TMED1: variants seen among roughly 807,000 people sequenced by gnomAD.
TMED1 encodes the protein transmembrane emp24 domain-containing protein 1.
TMED1 carries 20 observed loss-of-function variants against 21.2 expected under a neutral mutation model. The observed-to-expected ratio is 0.95, with a 90% CI of 0.67 to 1.37. The LOEUF is 1.37. TMED1 is among the 40% of genes most tolerant of loss of function. TMED1 has a pLI of 0.00. For missense variants in TMED1, 316 were observed against 309.8 expected, an observed-to-expected ratio of 1.02 and a Z score of -0.15; for synonymous variants, 149 against 134.7, an observed-to-expected ratio of 1.11 and a Z score of -0.74.
Position 10,832,211 on chromosome 19 carries a change from G to GC in TMED1, c.*783dup. 3 of 1,127,554 alleles carry GC rather than the reference G, an allele frequency of 2.7e-6. No homozygotes were observed. The highest frequency in any genetic ancestry group is 4.6e-4 in the Middle Eastern group (2 of 4,370). The allele number at this position is 1,127,554 out of a possible 1,614,324, so 69.8% of individuals were successfully genotyped here. ...CGCTCCACCCCCTTCCTACCCTCAGGCCCTGCTTCTCTCACCTCGTGGGGA... is the reference window on the plus strand; with the variant it reads ...CGCTCCACCCCCTTCCTACCCTCAGGCCCCTGCTTCTCTCACCTCGTGGGGA... On this transcript the variant is annotated 3_prime_UTR_variant, in exon 4 of 4. Transcript: ENST00000214869.
chr19:10,836,209 C>G lies in TMED1; in HGVS notation c.-18G>C, dbSNP rs767633107. The G allele has an allele frequency of 5.2e-6, 8 of 1,528,450 alleles. No homozygotes were observed. In the African/African-American group the frequency reaches 9.8e-5, roughly 19 times the overall value. 94.7% of individuals were successfully genotyped at this position (1,528,450 alleles called of 1,614,324 possible). ...GCCATCATCCGGGTCACCCTCTGGT[C>G]TGCAAAGGGGTCGCGGCTCCTTTAA... On this transcript the variant is annotated 5_prime_UTR_variant, in exon 1 of 4. Transcript: ENST00000214869.
At chr19:10,833,256 C>T (rs2073382826) in intron 3 of TMED1, 43 bp from the exon 4 acceptor site, 1 of 1,545,308 alleles carries the variant, frequency 6.5e-7, no homozygotes, top group African/African-American at 1.4e-5. Context: ...TCCCTCCACC[C>T]ATCAGGGAGC....
Position 10,833,114 on chromosome 19 carries a change from T to C in TMED1, c.565A>G (p.Asn189Asp). 6.2e-7 allele frequency: 1 copy of C among 1,614,052 alleles called. No homozygotes were observed. Among genetic ancestry groups the C allele is most frequent in the Non-Finnish European group, 8.5e-7 (1 of 1,180,034 alleles). Residue 189 changes from asparagine (N) to aspartate (D), a missense_variant, in exon 4 of 4, where the codon AAC becomes GAC. Asn to Asp is a conservative substitution (Grantham distance 23). Transcript: ENST00000214869. Reference sequence around the variant, plus strand: ...GACCAGAAGTTGACCCGCTCCAAGTTGCCCTCTTGCAGGTTGCGGTCACGT... The same window carrying C: ...GACCAGAAGTTGACCCGCTCCAAGTCGCCCTCTTGCAGGTTGCGGTCACGT... ...EARDRNLQEG[N>D]LERVNFWSAV... is the part of the protein sequence containing the mutation.
chr19:10,833,389 A>T, intron 3 of TMED1, 176 bp from the exon 4 acceptor site: 1 of 609,514 alleles, frequency 1.6e-6, no homozygotes, highest in Non-Finnish European at 2.9e-6. Context: ...GGCTGTGACC[A>T]TGAGCAACTT....
At chr19:10,834,727 C>T (rs1207283389) in intron 3 of TMED1, 5 of 503,058 alleles carry the variant, frequency 9.9e-6, no homozygotes, top group East Asian at 4.0e-5. Context: ...GTGATCCACC[C>T]GCCTCAGCCT....
Position 10,836,018 on chromosome 19 carries a change from G to C in TMED1, c.174C>G (p.Thr58=), listed in dbSNP as rs1387727742. 6 of 1,593,568 alleles carry C rather than the reference G, an allele frequency of 3.8e-6. No individual in the cohort carries two copies. The East Asian group carries it at 1.1e-4, about 30-fold the overall frequency. The change falls in exon 1 of 4, where the codon ACC becomes ACG. Residue 58 remains threonine (T), a synonymous_variant. Transcript: ENST00000214869. The part of the protein sequence containing the change: ...QSAPANASLE[T]EYQVIGGAGL... ...GCCCGCGACCCTCTACCTGGTATTC[G>C]GTCTCGAGGCTTGCGTTGGCCGGCG...
Position 10,836,149 on chromosome 19 carries a change from G to A in TMED1, c.43C>T (p.Leu15=), listed in dbSNP as rs781430415. 5 of 1,565,642 alleles carry A rather than the reference G, an allele frequency of 3.2e-6. No individual in the cohort carries two copies. The African/African-American group carries it at 4.1e-5, about 13-fold the overall frequency. ...CCTCCCACCTCCACTGGTGGCATTA[G>A]TAGCCACAAGGCCAGGGCTAGGGCC... is the stretch of plus-strand genomic sequence containing the variant. ...GAALALALWL[L]MPPVEVGGAG... The change falls in exon 1 of 4, where the codon CTA becomes TTA. Residue 15 remains leucine, a synonymous_variant. Transcript: ENST00000214869.
At chr19:10,835,570 C>T in intron 1 of TMED1, 1 of 1,432,318 alleles carries the variant, frequency 7.0e-7, no homozygotes, top group Non-Finnish European at 9.1e-7. Flanking sequence ...CAGCTGACCA[C>T]GCACCTACCA....
rs759251462 is a variant in TMED1, at chr19:10,833,161, G to A, written c.518C>T (p.Thr173Met). ...ACGTGCCTCGAAGGCCCGCAGTAGC[G>A]TGAGCATCTGGATGCTGCGCTCCAG... ...TRLERSIQML[T>M]LLRAFEARDR... Residue 173 changes from threonine (T) to methionine (M), a missense_variant, in exon 4 of 4, where the codon ACG becomes ATG. Physicochemically the swap from Thr to Met is moderately conservative, Grantham distance 81 (BLOSUM62 -1). Coordinates refer to ENST00000214869, the MANE Select transcript of TMED1 (RefSeq NM_006858.4). 11 of 1,613,894 alleles carry A rather than the reference G, an allele frequency of 6.8e-6. No individual in the cohort carries two copies. Among genetic ancestry groups the A allele is most frequent in the East Asian group, 2.2e-5 (1 of 44,888 alleles).
In TMED1 at chr19:10,832,913, A is replaced by C; in HGVS notation, c.*82T>G. 6.6e-7 allele frequency: 1 copy of C among 1,518,092 alleles called. No individual in the cohort carries two copies. Among genetic ancestry groups the C allele is most frequent in the Non-Finnish European group, 8.9e-7 (1 of 1,118,768 alleles). 94.0% of individuals were successfully genotyped at this position (1,518,092 alleles called of 1,614,324 possible). A position where few individuals can be genotyped will look rare whatever the true frequency, so the allele number is the denominator to read the frequency against. ...ACACTCCCGTTTTGGCAGGAAACTA[A>C]AATTGGGGAGGGACCCCCAAGTCTC... is the stretch of plus-strand genomic sequence containing the variant. On this transcript the variant is annotated 3_prime_UTR_variant, in exon 4 of 4. Coordinates refer to ENST00000214869, the MANE Select transcript of TMED1 (RefSeq NM_006858.4).
At chr19:10,834,709 G>T in intron 3 of TMED1, 1 of 430,504 alleles carries the variant, frequency 2.3e-6, no homozygotes, top group Non-Finnish European at 4.2e-6. Context: ...CAAAACTCCT[G>T]ACCTCAGGTG....
rs1221324795 is a variant in TMED1, at chr19:10,832,868, AGACC to A, written c.*123_*126del. On this transcript the variant is annotated 3_prime_UTR_variant, in exon 4 of 4. Transcript: ENST00000214869. ...AGGACGGAAGGAGACTCATGGGGCC[AGACC>A]GCAGGCCCTGACTGCACACTCCCGT... 6 of 1,071,796 alleles carry A rather than the reference AGACC, an allele frequency of 5.6e-6. No homozygotes were observed. In the African/African-American group the frequency reaches 7.8e-5, roughly 14 times the overall value. 66.4% of individuals were successfully genotyped at this position (1,071,796 alleles called of 1,614,324 possible).
rs200476097 is a variant in TMED1 at position 10,835,251 on chromosome 19, C to T, written c.281+5G>A. On this transcript the variant is annotated splice_donor_5th_base_variant and intron_variant, in intron 2 of 3. Transcript: ENST00000214869. ...AACCCAGGCAGGCATCAAGACTGAACTCACGTGTGTACCCCATCAGCCTTG... is the reference window on the plus strand; with the variant it reads ...AACCCAGGCAGGCATCAAGACTGAATTCACGTGTGTACCCCATCAGCCTTG... 6.2e-7 allele frequency: 1 copy of T among 1,614,168 alleles called. No homozygotes were observed. Among genetic ancestry groups the T allele is most frequent in the Non-Finnish European group, 8.5e-7 (1 of 1,180,022 alleles).
Position 10,832,448 on chromosome 19 carries a change from AC to A in TMED1, c.*546del. ...ATCAGCAGGCTCTTGTGATTTTCTG[AC>A]CATAATTTATTGACTCCAATGCCCA... On this transcript the variant is annotated 3_prime_UTR_variant, in exon 4 of 4. Transcript: ENST00000214869. The A allele has an allele frequency of 1.9e-6, 2 of 1,035,590 alleles. No homozygotes were observed. Among genetic ancestry groups the A allele is most frequent in the Non-Finnish European group, 2.6e-6 (2 of 764,478 alleles). 64.2% of individuals were successfully genotyped at this position (1,035,590 alleles called of 1,614,324 possible).
Position 10,833,149 on chromosome 19 carries a change from G to A in TMED1, c.530C>T (p.Ala177Val), listed in dbSNP as rs1348353073. 2 of 1,613,848 alleles carry A rather than the reference G, an allele frequency of 1.2e-6. No homozygotes were observed. Among genetic ancestry groups the A allele is most frequent in the Non-Finnish European group, 1.7e-6 (2 of 1,180,056 alleles). ...CAGGTTGCGGTCACGTGCCTCGAAG[G>A]CCCGCAGTAGCGTGAGCATCTGGAT... The part of the protein sequence containing the change: ...RSIQMLTLLR[A>V]FEARDRNLQE... The change falls in exon 4 of 4, where the codon GCC becomes GTC. Residue 177 changes from alanine (A) to valine (V), a missense_variant. Transcript: ENST00000214869.
intron 3 of TMED1, 22 bp downstream of exon 3, chr19:10,834,912 C>T: frequency 6.2e-7 from 1 of 1,606,812 alleles, no homozygotes; most frequent in Non-Finnish European, 8.5e-7. Context: ...GAAGGAGTGG[C>T]CCCAGCGCAG....
At chr19:10,835,683 CTG>C (rs1408788093) in intron 1 of TMED1, 2 of 1,402,616 alleles carry the variant, frequency 1.4e-6, no homozygotes, top group African/African-American at 1.4e-5. Context: ...CGAGAAAGGC[CTG>C]TGTGGGCAAC....
chr19:10,833,080 T>C lies in TMED1; in HGVS notation c.599A>G (p.Asn200Ser), dbSNP rs1214643471. 1.2e-6 allele frequency: 2 copies of C among 1,613,956 alleles called. No individual in the cohort carries two copies. Among genetic ancestry groups the C allele is most frequent in the Admixed American group, 1.7e-5 (1 of 59,990 alleles). The change falls in exon 4 of 4, where the codon AAC (asparagine) becomes AGC (serine). Residue 200 changes from asparagine to serine, a missense_variant. By Grantham distance (46) the Asn-to-Ser change is conservative. Transcript: ENST00000214869. ...LERVNFWSAV[N>S]VAVLLLVAVL... ...AGCCACCAGCAGCAGCACCGCCACGTTGACAGCTGACCAGAAGTTGACCCG... is the reference window on the plus strand; with the variant it reads ...AGCCACCAGCAGCAGCACCGCCACGCTGACAGCTGACCAGAAGTTGACCCG...
At chr19:10,833,245 C>T (rs2073382559) in intron 3 of TMED1, 32 bp from the exon 4 acceptor site, 2 of 1,572,374 alleles carry the variant, frequency 1.3e-6, no homozygotes, top group Non-Finnish European at 1.7e-6. Context: ...AGGGTCAGGC[C>T]TCCCTCCACC....
Sources: allele counts gnomAD v4.1 joint callset, GRCh38; gene constraint gnomAD v4.1.1; transcripts MANE v1.5; gene names NCBI Gene and HGNC (gene_info 2026-07-23, HGNC 2026-07-21).